The following CNTNAP2 variants were observed in gnomAD, a reference collection of about 807,000 sequenced individuals.
CNTNAP2 encodes contactin associated protein 2, also known as contactin-associated protein-like 2.
A neutral mutation model predicts 155.2 loss-of-function variants in CNTNAP2; 98 were observed. The observed-to-expected ratio is 0.63, with a 90% CI of 0.54 to 0.75. The LOEUF (loss-of-function observed/expected upper bound fraction) is 0.75, where lower values mean the gene tolerates loss of function less well. CNTNAP2 is among the 30% of genes least tolerant of loss of function. The pLI, the probability that CNTNAP2 is intolerant of heterozygous loss-of-function variation, is 0.00. For missense variants in CNTNAP2, 1,727 were observed against 1,688.1 expected (o/e 1.02, Z -0.40); for synonymous variants, 651 against 631.2 (o/e 1.03, Z -0.47).
At chr7:146,229,521 G>A (rs1308564057) in intron 1 of CNTNAP2, among the ~76,000 whole-genome samples, 2 of 152,096 alleles carry the variant, frequency 1.3e-5, no homozygotes, top group Non-Finnish European at 2.9e-5. Context: ...CAGTGATGTA[G>A]CCTAGGTTAC....
intron 1 of CNTNAP2, among the ~76,000 whole-genome samples, chr7:146,235,907 T>C (rs1211981694): frequency 1.3e-5 from 2 of 152,164 alleles, no homozygotes; most frequent in Non-Finnish European, 2.9e-5. Context: ...TATGGACTTA[T>C]ATTAATTACC....
chr7:146,510,990 G>T (rs962167896), intron 1 of CNTNAP2, among the ~76,000 whole-genome samples: 1 of 151,936 alleles, frequency 6.6e-6, no homozygotes, highest in East Asian at 1.9e-4. Context: ...TCCACCTCCC[G>T]GGTTCACACC....
intron 1 of CNTNAP2, among the ~76,000 whole-genome samples, chr7:146,674,134 A>C (rs1484667983): frequency 6.6e-6 from 1 of 152,206 alleles, no homozygotes; most frequent in Admixed American, 6.5e-5. Context: ...ACTATCAGCT[A>C]CAACTACTAA....
intron 13 of CNTNAP2, among the ~76,000 whole-genome samples, chr7:147,666,796 G>A (rs78845862): frequency 0.04 from 6,150 of 152,286 alleles, 138 homozygotes; most frequent in Middle Eastern, 0.13. Flanking sequence ...GTGAATAAGA[G>A]GTACAAAGAT....
chr7:146,616,024 A>T (rs1799218001), intron 1 of CNTNAP2, among the ~76,000 whole-genome samples: 1 of 152,210 alleles, frequency 6.6e-6, no homozygotes, highest in South Asian at 2.1e-4. Context: ...TTTTAGTATG[A>T]CAATGGTAAT....
intron 13 of CNTNAP2, among the ~76,000 whole-genome samples, chr7:147,689,596 T>G (rs1391814580): frequency 3.9e-5 from 6 of 152,214 alleles, no homozygotes; most frequent in Non-Finnish European, 5.9e-5. Context: ...ATTGCGTTAT[T>G]ATATACTGAT....
At chr7:147,535,918 C>T (rs543462048) in intron 11 of CNTNAP2, among the ~76,000 whole-genome samples, 2 of 152,320 alleles carry the variant, frequency 1.3e-5, no homozygotes, top group African/African-American at 4.8e-5. Context: ...CTTTATATTC[C>T]CATTTAATAT....
chr7:147,962,106 T>A (rs1273684258), intron 14 of CNTNAP2, among the ~76,000 whole-genome samples: 1 of 152,174 alleles, frequency 6.6e-6, no homozygotes, highest in East Asian at 1.9e-4. Context: ...AAGATTAGAG[T>A]TAGGACTGAT....
At chr7:147,610,361 G>T (rs1801159204) in intron 12 of CNTNAP2, among the ~76,000 whole-genome samples, 1 of 151,784 alleles carries the variant, frequency 6.6e-6, no homozygotes, top group African/African-American at 2.4e-5. Flanking sequence ...TTCTCTGGTT[G>T]GTGAGATTAC....
At chr7:146,654,315 C>A (rs1311810156) in intron 1 of CNTNAP2, among the ~76,000 whole-genome samples, 3 of 151,830 alleles carry the variant, frequency 2.0e-5, no homozygotes, top group African/African-American at 7.3e-5. Context: ...GCCTGGTATG[C>A]GTAGGTCACC....
At chr7:146,137,347 T>G (rs1480945415) in intron 1 of CNTNAP2, among the ~76,000 whole-genome samples, 2 of 152,176 alleles carry the variant, frequency 1.3e-5, no homozygotes, top group African/African-American at 4.8e-5. Context: ...AGTTAATATA[T>G]TATTGAAATA....
chr7:148,392,083 A>G (rs1048053278), intron 22 of CNTNAP2, among the ~76,000 whole-genome samples: 3 of 152,226 alleles, frequency 2.0e-5, no homozygotes, highest in Non-Finnish European at 4.4e-5. Flanking sequence ...TGTTGTTGTT[A>G]TTATTATTTG....
intron 3 of CNTNAP2, among the ~76,000 whole-genome samples, chr7:146,962,064 A>G (rs888552469): frequency 1.3e-5 from 2 of 152,158 alleles, no homozygotes; most frequent in Non-Finnish European, 2.9e-5. Flanking sequence ...TCTAAACACC[A>G]TATTTCTCCT....
intron 10 of CNTNAP2, among the ~76,000 whole-genome samples, chr7:147,416,411 A>C (rs1295784301): frequency 6.6e-6 from 1 of 152,200 alleles, no homozygotes; most frequent in African/African-American, 2.4e-5. Flanking sequence ...CATTGAGCCA[A>C]TAAAGTTCCT....
rs180871499 is a variant in CNTNAP2, at chr7:147,306,716, G to A, written c.1498+6426G>A. Among the ~76,000 whole-genome samples the A allele has an allele frequency of 4.7e-4, 71 of 152,244 alleles. No homozygotes were observed. The Middle Eastern group carries it at 0.01, about 22-fold the overall frequency. ...CTAAGACTTGGGGTTAGCAACCCTCGGAGCAGGATTATACTTAGGGACAAG... is the reference window on the plus strand; with the variant it reads ...CTAAGACTTGGGGTTAGCAACCCTCAGAGCAGGATTATACTTAGGGACAAG... On this transcript the variant is annotated intron_variant, in intron 9 of 23. Transcript: ENST00000361727.
chr7:148,126,082 T>G (rs1220947801), intron 16 of CNTNAP2, among the ~76,000 whole-genome samples: 1 of 152,134 alleles, frequency 6.6e-6, no homozygotes, highest in African/African-American at 2.4e-5. Context: ...GAGGCAATAT[T>G]TACTTCTGAC....
chr7:148,055,328 G>A (rs1802986728), intron 15 of CNTNAP2, among the ~76,000 whole-genome samples: 1 of 152,114 alleles, frequency 6.6e-6, no homozygotes, highest in East Asian at 1.9e-4. Flanking sequence ...CGTTGGGTTG[G>A]ACTCAGTAAA....
intron 20 of CNTNAP2, among the ~76,000 whole-genome samples, chr7:148,233,383 A>T (rs148816138): frequency 0.014 from 1,994 of 142,130 alleles, 85 homozygotes; most frequent in Admixed American, 0.086. Flanking sequence ...AGTCACAAAA[A>T]GTAAGTCCCC....
chr7:146,306,440 C>CA (rs1176259070), intron 1 of CNTNAP2, among the ~76,000 whole-genome samples: 2 of 152,020 alleles, frequency 1.3e-5, no homozygotes, highest in South Asian at 2.1e-4. Context: ...AGAAACACAA[C>CA]AAAAAAAGAG....
Sources: gnomAD v4.1 joint callset for allele counts (sites outside exome capture counted in the v4.1 genomes callset) on GRCh38, gnomAD v4.1.1 for gene constraint, MANE v1.5 for transcripts, NCBI Gene and HGNC (gene_info 2026-07-23, HGNC 2026-07-21) for gene names.